C5orf47: variants seen among roughly 807,000 people sequenced by gnomAD.
C5orf47 encodes uncharacterized protein C5orf47.
C5orf47 carries 20 observed loss-of-function variants against 20.6 expected under a neutral mutation model. That is an observed-to-expected ratio of 0.97 (90% CI 0.68 to 1.41). C5orf47 has a LOEUF of 1.41. C5orf47 is among the 40% of genes most tolerant of loss of function. C5orf47 has a pLI of 0.00. For synonymous variants in C5orf47, 106 were observed against 97.3 expected, an observed-to-expected ratio of 1.09 and a Z score of -0.53; for missense variants, 262 against 238.4, an observed-to-expected ratio of 1.10 and a Z score of -0.65.
rs1016569939 is a variant in C5orf47, at chr5:174,005,522, G to A, written c.*1268G>A. ...ACACATTGCCTGGGGAAATGGCCTC[G>A]GTTTTTTTGCCATGTAGGCTCTCAA... On this transcript the variant is annotated 3_prime_UTR_variant, in exon 5 of 5. Coordinates refer to ENST00000340147, the MANE Select transcript of C5orf47 (RefSeq NM_001144954.2). 8.5e-5 allele frequency: 13 copies of A among 152,226 alleles called. No individual in the cohort carries two copies. The highest frequency in any genetic ancestry group is 1.3e-4 in the Admixed American group (2 of 15,260). The allele number at this position is 152,226 out of a possible 1,614,324, so 9.4% of individuals were successfully genotyped here. A position where few individuals can be genotyped will look rare whatever the true frequency, so the allele number is the denominator to read the frequency against.
intron 1 of C5orf47, among the ~76,000 whole-genome samples, chr5:173,991,650 T>G (rs1758999922): frequency 6.6e-6 from 1 of 152,226 alleles, no homozygotes; most frequent in Non-Finnish European, 1.5e-5. Context: ...AACCTTGCAT[T>G]CCTGAAGTAA....
chr5:174,008,700 C>T (rs755138691), downstream of C5orf47, among the ~76,000 whole-genome samples: 19 of 151,212 alleles, frequency 1.3e-4, no homozygotes, highest in Middle Eastern at 3.4e-3. Context: ...GGCTCGGTGG[C>T]GGGCGCCTGT....
At chr5:173,995,052 A>T (rs571058847) in intron 1 of C5orf47, among the ~76,000 whole-genome samples, 1 of 152,246 alleles carries the variant, frequency 6.6e-6, no homozygotes, top group African/African-American at 2.4e-5. Flanking sequence ...AGCTCAGGTG[A>T]TCCACCTACC....
chr5:174,001,298 T>A, intron 4 of C5orf47, 67 bp downstream of exon 4: 1 of 859,870 alleles, frequency 1.2e-6, no homozygotes, highest in Non-Finnish European at 1.9e-6. Flanking sequence ...GTATCCTCCC[T>A]TCTCCAAACA....
chr5:174,000,518 G>T (rs1759176825), intron 3 of C5orf47, among the ~76,000 whole-genome samples: 1 of 151,932 alleles, frequency 6.6e-6, no homozygotes, highest in Non-Finnish European at 1.5e-5. Context: ...TTTCTTTCCT[G>T]CACATGCTAT....
intron 4 of C5orf47, among the ~76,000 whole-genome samples, chr5:174,003,095 G>A (rs1293626904): frequency 6.6e-6 from 1 of 152,094 alleles, no homozygotes; most frequent in Non-Finnish European, 1.5e-5. Flanking sequence ...TGGTTAAGTT[G>A]TTATCCATTT....
intron 1 of C5orf47, among the ~76,000 whole-genome samples, chr5:173,993,498 G>A (rs546183885): frequency 6.6e-6 from 1 of 152,132 alleles, no homozygotes. Context: ...AAAATTAGCT[G>A]GGTGTGGTGG....
In C5orf47 at chr5:173,996,372, G is replaced by T. The variant is rs12520624; in HGVS notation, c.326-1781G>T. 7.2e-5 allele frequency among the ~76,000 whole-genome samples: 11 copies of T among 152,102 alleles called. No individual in the cohort carries two copies. The South Asian group carries it at 2.3e-3, about 32-fold the overall frequency. On this transcript the variant is annotated intron_variant, in intron 1 of 4. Transcript: ENST00000340147. ...GAAATATGTCTTTTTTCTTTTTCAC[G>T]TCTTCTGTACTTGTATTTTAGATCC... is the stretch of plus-strand genomic sequence containing the variant.
chr5:173,993,909 A>G (rs1383397623), intron 1 of C5orf47, among the ~76,000 whole-genome samples: 2 of 152,230 alleles, frequency 1.3e-5, no homozygotes, highest in Non-Finnish European at 2.9e-5. Context: ...GAACCATTAC[A>G]ATAAACACAT....
At chr5:174,008,653 A>C (rs2113382213), downstream of C5orf47, among the ~76,000 whole-genome samples, 1 of 152,128 alleles carries the variant, frequency 6.6e-6, no homozygotes, top group Non-Finnish European at 1.5e-5. Context: ...TAACACGGTG[A>C]AACCCCGTCT....
Position 173,999,752 on chromosome 5 carries a change from A to G in C5orf47, c.464A>G (p.Asn155Ser), listed in dbSNP as rs748812111. 1.3e-6 allele frequency: 2 copies of G among 1,536,506 alleles called. No individual in the cohort carries two copies. Among genetic ancestry groups the G allele is most frequent in the East Asian group, 4.9e-5 (2 of 40,820 alleles). Reference protein sequence around the residue: ...YKVISRMLEENEKYRHRLKCQ... With the variant: ...YKVISRMLEESEKYRHRLKCQ... ...GTCATTTCAAGAATGCTTGAAGAAA[A>G]TGAAAAATATAGACACAGGCTGAAA... Residue 155 changes from asparagine to serine, a missense_variant, in exon 3 of 5, where the codon AAT (asparagine) becomes AGT (serine). Transcript: ENST00000340147.
intron 1 of C5orf47, among the ~76,000 whole-genome samples, chr5:173,997,113 A>G (rs1759112394): frequency 6.6e-6 from 1 of 152,222 alleles, no homozygotes; most frequent in Admixed American, 6.5e-5. Context: ...TCTCTAGTGA[A>G]TAATAAAACA....
At position 173,993,032 on chromosome 5, in the gene C5orf47, A is replaced by G. The variant is rs572578921; in HGVS notation, c.325+3444A>G. 3.3e-4 allele frequency among the ~76,000 whole-genome samples: 50 copies of G among 152,000 alleles called. No homozygotes were observed. In the South Asian group the frequency reaches 1.0e-2, roughly 30 times the overall value. ...TTTCTCCCCTATAGTCTGTACTCTG[A>G]TTTGCCTAGTTATTTATTTATTTAT... On this transcript the variant is annotated intron_variant, in intron 1 of 4. Transcript: ENST00000340147.
chr5:174,005,686 T>C lies in C5orf47; in HGVS notation c.*1432T>C, dbSNP rs1336732194. On this transcript the variant is annotated 3_prime_UTR_variant, in exon 5 of 5. Transcript: ENST00000340147. ...CAAAATGAGACATATTTACACTGTT[T>C]ATACTGTAATTTATGCTGCATAAAG... 6.6e-6 allele frequency: 1 copy of C among 152,396 alleles called. No homozygotes were observed. The highest frequency in any genetic ancestry group is 1.5e-5 in the Non-Finnish European group (1 of 68,040). 9.4% of individuals were successfully genotyped at this position (152,396 alleles called of 1,614,324 possible).
chr5:173,993,081 G>A (rs368154838), intron 1 of C5orf47, among the ~76,000 whole-genome samples: 22 of 152,098 alleles, frequency 1.4e-4, no homozygotes, highest in East Asian at 7.7e-4. Context: ...TTCAGATTTA[G>A]AATGCATTTA....
Position 174,001,226 on chromosome 5 carries a change from CTT to C in C5orf47, c.*12_*13del. 6.8e-7 allele frequency: 1 copy of C among 1,462,982 alleles called. No individual in the cohort carries two copies. Among genetic ancestry groups the C allele is most frequent in the Non-Finnish European group, 9.3e-7 (1 of 1,072,498 alleles). The allele number at this position is 1,462,982 out of a possible 1,614,324, so 90.6% of individuals were successfully genotyped here. On this transcript the variant is annotated 3_prime_UTR_variant, in exon 4 of 5. Coordinates refer to ENST00000340147, the MANE Select transcript of C5orf47 (RefSeq NM_001144954.2). ...AATTACACAAGATGAATCTTCTTAT[CTT>C]CTGGTAAGAATTTATTTACGTAATA...
At chr5:174,001,433 A>G (rs1174950719) in intron 4 of C5orf47, among the ~76,000 whole-genome samples, 2 of 152,038 alleles carry the variant, frequency 1.3e-5, no homozygotes, top group Non-Finnish European at 2.9e-5. Context: ...CCCCATGTCC[A>G]TCATGCTATT....
intron 2 of C5orf47, among the ~76,000 whole-genome samples, chr5:173,999,370 A>G (rs1489587521): frequency 6.6e-6 from 1 of 152,188 alleles, no homozygotes; most frequent in Non-Finnish European, 1.5e-5. Flanking sequence ...TAAATTCACA[A>G]TTTTTTAAAA....
intron 1 of C5orf47, among the ~76,000 whole-genome samples, chr5:173,995,270 G>A (rs146080620): frequency 1.3e-5 from 2 of 152,190 alleles, no homozygotes; most frequent in East Asian, 1.9e-4. Context: ...GTCTGCTCTC[G>A]AGGGACTTAT....
Sources: gnomAD v4.1 joint callset for allele counts (sites outside exome capture counted in the v4.1 genomes callset) on GRCh38, gnomAD v4.1.1 for gene constraint, MANE v1.5 for transcripts, NCBI Gene and HGNC (gene_info 2026-07-23, HGNC 2026-07-21) for gene names.